Variants in FSTL5 observed in about 807,000 individuals in gnomAD.
FSTL5 encodes follistatin like 5.
Under a neutral mutation model 89.1 loss-of-function variants are expected in FSTL5, and 62 were observed. The observed-to-expected ratio is 0.70, with a 90% CI of 0.57 to 0.86. FSTL5 has a LOEUF of 0.86. Among genes scored for constraint, FSTL5 ranks in the 40% least tolerant of loss-of-function variants. The pLI is 0.00. For synonymous variants in FSTL5, 383 were observed against 346.2 expected, an observed-to-expected ratio of 1.11 and a Z score of -1.18; for missense variants, 1,057 against 1,001.6, an observed-to-expected ratio of 1.06 and a Z score of -0.75.
At chr4:161,617,353 A>G (rs576543097) in intron 7 of FSTL5, among the ~76,000 whole-genome samples, 1 of 152,234 alleles carries the variant, frequency 6.6e-6, no homozygotes, top group South Asian at 2.1e-4. Context: ...AAAGAGAAAA[A>G]GTACTAAAGA....
At chr4:161,604,528 C>T (rs955994089) in intron 7 of FSTL5, among the ~76,000 whole-genome samples, 1 of 152,102 alleles carries the variant, frequency 6.6e-6, no homozygotes, top group African/African-American at 2.4e-5. Context: ...TGACATAGTA[C>T]TCCCAAGGAA....
rs1011366662 is a variant in FSTL5, at chr4:161,555,345, G to T, written c.1016-12652C>A. Among the ~76,000 whole-genome samples the T allele has an allele frequency of 2.0e-5, 3 of 151,350 alleles. No individual in the cohort carries two copies. The Admixed American group carries it at 2.0e-4, about 10-fold the overall frequency. On this transcript the variant is annotated intron_variant, in intron 8 of 15. Coordinates refer to ENST00000306100, the MANE Select transcript of FSTL5 (RefSeq NM_020116.5). ...AAGAAATGCTCTCTGAAACACAAAA[G>T]AAAATATAACAAAAGCGTTTCAGAT...
chr4:161,687,341 T>A (rs2126715626), intron 6 of FSTL5, among the ~76,000 whole-genome samples: 1 of 152,342 alleles, frequency 6.6e-6, no homozygotes. Flanking sequence ...AAGACCCATC[T>A]TTATACTATT....
At chr4:161,848,295 G>A (rs1731440557) in intron 4 of FSTL5, among the ~76,000 whole-genome samples, 1 of 152,048 alleles carries the variant, frequency 6.6e-6, no homozygotes, top group Non-Finnish European at 1.5e-5. Flanking sequence ...TAACTTTCAG[G>A]AGGCTGATTT....
At chr4:161,397,232 T>C (rs1181814892) in intron 15 of FSTL5, among the ~76,000 whole-genome samples, 1 of 152,110 alleles carries the variant, frequency 6.6e-6, no homozygotes, top group Non-Finnish European at 1.5e-5. Flanking sequence ...TATATAGTCC[T>C]TGTATATGTA....
At chr4:161,612,869 G>A (rs770882175) in intron 7 of FSTL5, among the ~76,000 whole-genome samples, 20 of 152,072 alleles carry the variant, frequency 1.3e-4, no homozygotes, top group African/African-American at 4.8e-4. Context: ...TTACAAGATT[G>A]AATGATTTAA....
chr4:162,027,516 A>G (rs1360967552), intron 3 of FSTL5, among the ~76,000 whole-genome samples: 1 of 152,082 alleles, frequency 6.6e-6, no homozygotes, highest in African/African-American at 2.4e-5. Context: ...ACGTTTTACT[A>G]TTTTTATTTC....
At chr4:161,873,509 C>T (rs1276381045) in intron 4 of FSTL5, among the ~76,000 whole-genome samples, 1 of 147,052 alleles carries the variant, frequency 6.8e-6, no homozygotes, top group Non-Finnish European at 1.5e-5. Flanking sequence ...TCCTTCTTTC[C>T]TTCCTTCCTC....
chr4:161,843,673 A>C (rs893048550), intron 4 of FSTL5, among the ~76,000 whole-genome samples: 1 of 152,134 alleles, frequency 6.6e-6, no homozygotes, highest in South Asian at 2.1e-4. Context: ...TGACAAACCT[A>C]ACAAAAACAA....
intron 4 of FSTL5, among the ~76,000 whole-genome samples, chr4:161,914,825 T>C (rs1326236360): frequency 6.6e-6 from 1 of 152,206 alleles, no homozygotes; most frequent in African/African-American, 2.4e-5. Context: ...ACTAAAGTTC[T>C]AGTCTTAAAC....
chr4:162,033,710 A>G (rs1737625203), intron 2 of FSTL5, 52 bp from the exon 3 acceptor site: 1 of 991,720 alleles, frequency 1.0e-6, no homozygotes, highest in African/African-American at 1.6e-5. Flanking sequence ...TATGTGATCA[A>G]CTGTTTCATA....
chr4:161,389,291 TAAG>T (rs2110870181), intron 15 of FSTL5, among the ~76,000 whole-genome samples: 1 of 152,242 alleles, frequency 6.6e-6, no homozygotes, highest in Non-Finnish European at 1.5e-5. Context: ...GACTGAGAAA[TAAG>T]AGAGTTAAAA....
At chr4:161,663,477 A>C (rs1015035250) in intron 6 of FSTL5, among the ~76,000 whole-genome samples, 1 of 152,172 alleles carries the variant, frequency 6.6e-6, no homozygotes, top group Non-Finnish European at 1.5e-5. Flanking sequence ...GTCACATTTT[A>C]AAGCTCCAAA....
chr4:161,768,940 C>A (rs1227900930), intron 5 of FSTL5, among the ~76,000 whole-genome samples: 2 of 151,452 alleles, frequency 1.3e-5, no homozygotes, highest in African/African-American at 4.8e-5. Context: ...AATTGACAAA[C>A]CTTTAGCCAG....
chr4:161,397,502 T>G (rs1238355215), intron 15 of FSTL5, among the ~76,000 whole-genome samples: 1 of 151,476 alleles, frequency 6.6e-6, no homozygotes, highest in Non-Finnish European at 1.5e-5. Context: ...TTGAGGTAAT[T>G]TAATATTAAA....
chr4:161,847,923 C>T (rs960871860), intron 4 of FSTL5, among the ~76,000 whole-genome samples: 3 of 149,014 alleles, frequency 2.0e-5, no homozygotes, highest in African/African-American at 7.4e-5. Flanking sequence ...GTAATCACAG[C>T]TACTCGGGAG....
At chr4:161,741,844 C>G (rs946226172) in intron 6 of FSTL5, among the ~76,000 whole-genome samples, 2 of 151,842 alleles carry the variant, frequency 1.3e-5, no homozygotes, top group African/African-American at 4.8e-5. Flanking sequence ...CACACTGCCA[C>G]GCCAGGCTAA....
At chr4:161,753,942 T>C (rs987756321) in intron 6 of FSTL5, among the ~76,000 whole-genome samples, 2 of 148,810 alleles carry the variant, frequency 1.3e-5, no homozygotes, top group Admixed American at 1.4e-4. Flanking sequence ...CTCCGGAGGC[T>C]GAGGCAGGAG....
At chr4:161,716,156 C>T (rs570729037) in intron 6 of FSTL5, among the ~76,000 whole-genome samples, 52 of 152,258 alleles carry the variant, frequency 3.4e-4, no homozygotes, top group Admixed American at 6.5e-4. Context: ...ATAGACCCTG[C>T]CATAGGGATT....
Sources: gnomAD v4.1 joint callset for allele counts (sites outside exome capture counted in the v4.1 genomes callset) on GRCh38, gnomAD v4.1.1 for gene constraint, MANE v1.5 for transcripts, NCBI Gene and HGNC (gene_info 2026-07-23, HGNC 2026-07-21) for gene names.